LYZ: variants seen among roughly 807,000 people sequenced by gnomAD.
LYZ encodes lysozyme.
In LYZ, 18 loss-of-function variants were observed where a neutral mutation model predicts 15.8. The ratio of observed to expected loss-of-function variants is 1.14; its 90% CI spans 0.79 to 1.69. The LOEUF (loss-of-function observed/expected upper bound fraction) is 1.69, where lower values mean the gene tolerates loss of function less well. LYZ is among the 40% of genes most tolerant of loss of function. The pLI is 0.00. For synonymous variants in LYZ, 60 were observed against 61.7 expected (o/e 0.97, Z 0.13); for missense variants, 139 against 182.8 (o/e 0.76, Z 1.38).
chr12:69,353,094 G>A, intron 3 of LYZ, 59 bp from the exon 4 acceptor site: 4 of 1,147,320 alleles, frequency 3.5e-6, no homozygotes, highest in East Asian at 4.7e-5. Flanking sequence ...TGCGAAGTAT[G>A]TATATTACAA....
chr12:69,348,582 G>A lies in LYZ; in HGVS notation c.136+38G>A, dbSNP rs752123879. On this transcript the variant is annotated intron_variant, in intron 1 of 3. Transcript: ENST00000261267. Reference sequence around the variant, plus strand: ...TCCATAATTCCAGAGAATTAGCTACGTATGGAACAGACACTAGGAGAGAAG... The same window carrying A: ...TCCATAATTCCAGAGAATTAGCTACATATGGAACAGACACTAGGAGAGAAG... 7.3e-5 allele frequency: 117 copies of A among 1,611,910 alleles called. No homozygotes were observed. In the East Asian group the frequency reaches 8.5e-4, roughly 12 times the overall value.
chr12:69,348,454 G>A lies in LYZ; in HGVS notation c.46G>A (p.Val16Ile), dbSNP rs375298132. The A allele has an allele frequency of 2.5e-6, 4 of 1,614,162 alleles. No homozygotes were observed. The East Asian group carries it at 8.9e-5, about 36-fold the overall frequency. ...VLGLVLLSVT[V>I]QGKVFERCEL... ...GGGGCTTGTCCTCCTTTCTGTTACG[G>A]TCCAGGGCAAGGTCTTTGAAAGGTG... Residue 16 changes from valine (V) to isoleucine (I), a missense_variant, in exon 1 of 4, where the codon GTC becomes ATC. Coordinates refer to ENST00000261267, the MANE Select transcript of LYZ (RefSeq NM_000239.3).
chr12:69,352,010 A>G (rs1874852171), intron 2 of LYZ, among the ~76,000 whole-genome samples: 2 of 152,138 alleles, frequency 1.3e-5, no homozygotes, highest in African/African-American at 4.8e-5. Flanking sequence ...AGAGCTTCCA[A>G]TGACTTTGGT....
intron 2 of LYZ, 132 bp from the exon 3 acceptor site, chr12:69,352,088 T>G (rs596919): frequency 1.6e-6 from 1 of 624,208 alleles, no homozygotes; most frequent in Non-Finnish European, 2.8e-6. Context: ...CCCCAACAAT[T>G]ACACATATAT....
At position 69,353,175 on chromosome 12, in the gene LYZ, C is replaced by T. The variant is rs1337121769; in HGVS notation, c.403C>T (p.Gln135Ter). 1.9e-6 allele frequency: 3 copies of T among 1,613,870 alleles called. No individual in the cohort carries two copies. The highest frequency in any genetic ancestry group is 3.3e-5 in the Admixed American group (2 of 60,000). Reference protein sequence around the residue: ...RAWVAWRNRCQNRDVRQYVQG... With the variant: ...RAWVAWRNRC ...CAGGGTGGCATGGAGAAATCGTTGT[C>T]AAAACAGAGATGTCCGTCAGTATGT... The change falls in exon 4 of 4, where the codon CAA (glutamine) becomes TAA (stop). Residue 135 changes from glutamine (Q) to a stop codon, truncating the protein, a stop_gained. Transcript: ENST00000261267. LOFTEE classifies it low-confidence loss of function (END_TRUNC).
intron 2 of LYZ, 61 bp from the exon 3 acceptor site, chr12:69,352,158 TA>T: frequency 8.2e-7 from 1 of 1,226,254 alleles, no homozygotes; most frequent in Non-Finnish European, 1.2e-6. Context: ...AAAAGCTGGC[TA>T]AACCTAAATT....
chr12:69,353,560 C>T lies in LYZ; in HGVS notation c.*341C>T. On this transcript the variant is annotated 3_prime_UTR_variant, in exon 4 of 4. Transcript: ENST00000261267. Reference sequence around the variant, plus strand: ...CTGGAGTGCAGTGGCGCAATCTCGGCTCACTGCAACCTCCACCTCCCGGGT... The same window carrying T: ...CTGGAGTGCAGTGGCGCAATCTCGGTTCACTGCAACCTCCACCTCCCGGGT... The T allele has an allele frequency of 3.4e-6, 1 of 290,276 alleles. No homozygotes were observed. Among genetic ancestry groups the T allele is most frequent in the South Asian group, 3.1e-5 (1 of 32,192 alleles). 18.0% of individuals were successfully genotyped at this position (290,276 alleles called of 1,614,324 possible).
intron 2 of LYZ, 68 bp downstream of exon 2, chr12:69,350,340 A>G: frequency 6.5e-7 from 1 of 1,547,854 alleles, no homozygotes; most frequent in Non-Finnish European, 8.9e-7. Flanking sequence ...ACAAATGAAA[A>G]AGCCTTGAAA....
At position 69,353,752 on chromosome 12, in the gene LYZ, T is replaced by G. The variant is rs1169367613; in HGVS notation, c.*533T>G. The stretch of plus-strand genomic sequence containing the variant: ...ATCCACCCACCTCGGCCTCCCAAAG[T>G]GCTGGGATTACAGGCGTGAGCCACT... On this transcript the variant is annotated 3_prime_UTR_variant, in exon 4 of 4. Coordinates refer to ENST00000261267, the MANE Select transcript of LYZ (RefSeq NM_000239.3). 1 of 168,204 alleles carries G rather than the reference T, an allele frequency of 5.9e-6. No homozygotes were observed. The highest frequency in any genetic ancestry group is 1.3e-5 in the Non-Finnish European group (1 of 77,368). 10.4% of individuals were successfully genotyped at this position (168,204 alleles called of 1,614,324 possible).
chr12:69,352,518 A>T (rs1356170815), intron 3 of LYZ, among the ~76,000 whole-genome samples: 2 of 152,234 alleles, frequency 1.3e-5, no homozygotes, highest in Non-Finnish European at 2.9e-5. Context: ...GGGGATTTCT[A>T]GAGTTTTAAG....
At chr12:69,349,031 T>A (rs929531559) in intron 1 of LYZ, among the ~76,000 whole-genome samples, 4 of 152,120 alleles carry the variant, frequency 2.6e-5, no homozygotes, top group African/African-American at 9.7e-5. Context: ...AAAGACAGTC[T>A]CACTGTGTGG....
chr12:69,351,918 A>ATAAATTTT (rs1874850710), intron 2 of LYZ, among the ~76,000 whole-genome samples: 1 of 152,186 alleles, frequency 6.6e-6, no homozygotes, highest in Non-Finnish European at 1.5e-5. Context: ...TCAATAATAG[A>ATAAATTTT]ACTGCTGAGT....
At chr12:69,350,074 T>C (rs1459384646) in intron 1 of LYZ, 34 bp from the exon 2 acceptor site, 1 of 1,599,074 alleles carries the variant, frequency 6.3e-7, no homozygotes, top group Non-Finnish European at 8.6e-7. Flanking sequence ...TCACTTAGTG[T>C]TGCTGTTTAT....
At position 69,353,291 on chromosome 12, in the gene LYZ, A is replaced by G; in HGVS notation, c.*72A>G. The G allele has an allele frequency of 8.9e-7, 1 of 1,120,258 alleles. No homozygotes were observed. The highest frequency in any genetic ancestry group is 1.4e-6 in the Non-Finnish European group (1 of 729,534). 69.4% of individuals were successfully genotyped at this position (1,120,258 alleles called of 1,614,324 possible). On this transcript the variant is annotated 3_prime_UTR_variant, in exon 4 of 4. Coordinates refer to ENST00000261267, the MANE Select transcript of LYZ (RefSeq NM_000239.3). ...GGGAGTAGGAATTAAGTGAAAGGTC[A>G]CACTACCATTATTTCCCCTTCAAAC...
chr12:69,349,787 CTG>C (rs950440124), intron 1 of LYZ, among the ~76,000 whole-genome samples: 21 of 152,256 alleles, frequency 1.4e-4, no homozygotes, highest in Admixed American at 1.4e-3. Flanking sequence ...CTCAACAGCT[CTG>C]TTGATTTTTC....
chr12:69,351,594 T>C (rs1420259991), intron 2 of LYZ, among the ~76,000 whole-genome samples: 2 of 152,112 alleles, frequency 1.3e-5, no homozygotes, highest in Admixed American at 6.5e-5. Context: ...TGTGTGCTTT[T>C]GCAAAAATTA....
At chr12:69,348,755 T>A (rs1225230336) in intron 1 of LYZ, among the ~76,000 whole-genome samples, 1 of 152,230 alleles carries the variant, frequency 6.6e-6, no homozygotes, top group Non-Finnish European at 1.5e-5. Flanking sequence ...AATTCCATTC[T>A]AAGTAAAACA....
intron 1 of LYZ, among the ~76,000 whole-genome samples, chr12:69,349,191 T>A (rs908721233): frequency 6.6e-5 from 10 of 151,946 alleles, no homozygotes; most frequent in African/African-American, 2.4e-4. Context: ...TCAGTACAGA[T>A]GGGGTTTCAC....
chr12:69,351,373 T>TA lies in LYZ; in HGVS notation c.302-840dup, dbSNP rs34540118. ...ATCTTATTTCTAAAATCCAGTTAAT[T>TA]AAAAAAATTTATATTATATAATAAT... is the stretch of plus-strand genomic sequence containing the variant. On this transcript the variant is annotated intron_variant, in intron 2 of 3. Coordinates refer to ENST00000261267, the MANE Select transcript of LYZ (RefSeq NM_000239.3). Among the ~76,000 whole-genome samples, 517 of 151,444 alleles carry TA rather than the reference T, an allele frequency of 3.4e-3. 1 individual carries two copies. The highest frequency in any genetic ancestry group is 5.5e-3 in the Non-Finnish European group (371 of 67,798).
Sources: gnomAD v4.1 joint callset for allele counts (sites outside exome capture counted in the v4.1 genomes callset) on GRCh38, gnomAD v4.1.1 for gene constraint, MANE v1.5 for transcripts, NCBI Gene and HGNC (gene_info 2026-07-23, HGNC 2026-07-21) for gene names.